CNTNAP5: variants seen among roughly 807,000 people sequenced by gnomAD.
CNTNAP5 encodes contactin associated protein family member 5.
CNTNAP5 carries 72 observed loss-of-function variants against 150.2 expected under a neutral mutation model. That is an observed-to-expected ratio of 0.48 (90% CI 0.40 to 0.58). The LOEUF (loss-of-function observed/expected upper bound fraction) is 0.58. Ranked by LOEUF, CNTNAP5 falls within the 20% of genes least tolerant of loss-of-function variation. The probability of loss-of-function intolerance (pLI) is 0.00; values close to 1 mark genes in which losing one functional copy is unlikely to be tolerated. For missense variants in CNTNAP5, 1,636 were observed against 1,626.2 expected, an observed-to-expected ratio of 1.01 and a Z score of -0.10; for synonymous variants, 672 against 619.8, an observed-to-expected ratio of 1.08 and a Z score of -1.25.
intron 3 of CNTNAP5, among the ~76,000 whole-genome samples, chr2:124,396,123 T>C (rs943407696): frequency 5.3e-5 from 8 of 152,220 alleles, no homozygotes; most frequent in Admixed American, 3.9e-4. Flanking sequence ...CAGGGCCAGC[T>C]TATAAGACCT....
At chr2:124,844,527 TG>T (rs1683007134) in intron 19 of CNTNAP5, among the ~76,000 whole-genome samples, 3 of 152,040 alleles carry the variant, frequency 2.0e-5, no homozygotes, top group Non-Finnish European at 4.4e-5. Flanking sequence ...ATTTTAGGAT[TG>T]TTTTTTATAA....
chr2:124,668,363 G>A (rs965947388), intron 13 of CNTNAP5, among the ~76,000 whole-genome samples: 1 of 152,204 alleles, frequency 6.6e-6, no homozygotes, highest in Admixed American at 6.5e-5. Flanking sequence ...GAAAGGTTTG[G>A]GACCAGCTGT....
At chr2:124,734,800 C>T (rs1172666715) in intron 13 of CNTNAP5, among the ~76,000 whole-genome samples, 1 of 152,094 alleles carries the variant, frequency 6.6e-6, no homozygotes, top group Non-Finnish European at 1.5e-5. Flanking sequence ...AACTAAGTAG[C>T]TCATTAGTGT....
intron 1 of CNTNAP5, among the ~76,000 whole-genome samples, chr2:124,199,309 C>T (rs945671187): frequency 1.3e-5 from 2 of 150,940 alleles, no homozygotes; most frequent in Non-Finnish European, 2.9e-5. Flanking sequence ...GGTATTGAGT[C>T]TTTCTAGGAA....
chr2:124,768,469 T>A (rs1006449207), intron 16 of CNTNAP5, among the ~76,000 whole-genome samples: 1 of 152,140 alleles, frequency 6.6e-6, no homozygotes, highest in African/African-American at 2.4e-5. Flanking sequence ...ATAGTACAAA[T>A]GAATACTACT....
At position 124,494,111 on chromosome 2, in the gene CNTNAP5, TG is replaced by T. The variant is rs917974814; in HGVS notation, c.1063-10174del. ...GTGTGTGTGTGCCTGTGTGTGTGGG[TG>T]GGGGGGTAGGGGAAATGATTCACAT... is the stretch of plus-strand genomic sequence containing the variant. On this transcript the variant is annotated intron_variant, in intron 7 of 23. Coordinates refer to ENST00000682447, the MANE Select transcript of CNTNAP5 (RefSeq NM_001367498.1). Among the ~76,000 whole-genome samples the T allele has an allele frequency of 5.5e-4, 22 of 40,244 alleles. No individual in the cohort carries two copies. The South Asian group carries it at 6.4e-3, about 12-fold the overall frequency. The allele number at this position is 40,244 out of a possible 152,430, so 26.4% of individuals were successfully genotyped here.
intron 1 of CNTNAP5, among the ~76,000 whole-genome samples, chr2:124,152,986 C>T (rs983953761): frequency 2.0e-5 from 3 of 152,140 alleles, no homozygotes; most frequent in Admixed American, 2.0e-4. Flanking sequence ...GCTAGACCAT[C>T]CCTAGGGTTA....
intron 1 of CNTNAP5, among the ~76,000 whole-genome samples, chr2:124,174,091 G>A (rs1291839404): frequency 1.4e-5 from 2 of 141,280 alleles, no homozygotes; most frequent in Admixed American, 1.5e-4. Context: ...TGAGCCCACT[G>A]TTGAGATTTA....
At position 124,704,895 on chromosome 2, in the gene CNTNAP5, C is replaced by G. The variant is rs1445548339; in HGVS notation, c.2078-42334C>G. Among the ~76,000 whole-genome samples, 3 of 152,066 alleles carry G rather than the reference C, an allele frequency of 2.0e-5. 1 individual carries two copies. The highest frequency in any genetic ancestry group is 4.4e-5 in the Non-Finnish European group (3 of 68,012). On this transcript the variant is annotated intron_variant, in intron 13 of 23. Transcript: ENST00000682447. ...CCTGTATTCAACTGCTTAGTTAATT[C>G]CCTTACCCCTTCAAGTTTGACTAAA...
chr2:124,804,617 C>G (rs1204352523), intron 19 of CNTNAP5, among the ~76,000 whole-genome samples: 4 of 152,136 alleles, frequency 2.6e-5, no homozygotes, highest in African/African-American at 9.7e-5. Context: ...CTCCTGCTCT[C>G]TCTTTGAATG....
At chr2:124,583,334 C>G (rs141204149) in intron 11 of CNTNAP5, among the ~76,000 whole-genome samples, 9 of 152,196 alleles carry the variant, frequency 5.9e-5, no homozygotes, top group African/African-American at 1.4e-4. Flanking sequence ...TGTACATAGC[C>G]GGGAACGATA....
At position 124,782,606 on chromosome 2, in the gene CNTNAP5, C is replaced by T. The variant is rs137901346; in HGVS notation, c.2753-7296C>T. On this transcript the variant is annotated intron_variant, in intron 17 of 23. Coordinates refer to ENST00000682447, the MANE Select transcript of CNTNAP5 (RefSeq NM_001367498.1). ...AGTTCAATTGCTCACATTTTTTTTT[C>T]ATCTGTAGTTTGTAAAATAATCACT... 2.4e-4 allele frequency among the ~76,000 whole-genome samples: 36 copies of T among 151,322 alleles called. 1 individual carries two copies. In the East Asian group the frequency reaches 6.6e-3, roughly 28 times the overall value.
At chr2:124,449,881 T>A (rs6541953) in intron 6 of CNTNAP5, among the ~76,000 whole-genome samples, 8,907 of 152,166 alleles carry the variant, frequency 0.059, 374 homozygotes, top group Non-Finnish European at 0.082. Flanking sequence ...CACCCCAAAG[T>A]CTGTGTGGAG....
At chr2:124,659,482 T>C (rs1399887909) in intron 13 of CNTNAP5, among the ~76,000 whole-genome samples, 1 of 152,252 alleles carries the variant, frequency 6.6e-6, no homozygotes, top group African/African-American at 2.4e-5. Context: ...CACTTATTTT[T>C]GGAGTAGCCA....
At chr2:124,450,470 AACTTTGCTGC>A (rs1355034511) in intron 6 of CNTNAP5, among the ~76,000 whole-genome samples, 8 of 150,916 alleles carry the variant, frequency 5.3e-5, no homozygotes, top group South Asian at 2.1e-4. Flanking sequence ...AACTAGCATG[AACTTTGCTGC>A]ACTAAGATGT....
chr2:124,280,523 TGTTC>T (rs1375806165), intron 3 of CNTNAP5, among the ~76,000 whole-genome samples: 1 of 152,108 alleles, frequency 6.6e-6, no homozygotes, highest in African/African-American at 2.4e-5. Context: ...GGCACAAGGC[TGTTC>T]GTTGTATAGA....
intron 13 of CNTNAP5, among the ~76,000 whole-genome samples, chr2:124,697,292 G>T (rs145874646): frequency 1.3e-5 from 2 of 152,166 alleles, no homozygotes; most frequent in African/African-American, 4.8e-5. Context: ...GATTACCTTA[G>T]TTCCTACCCA....
intron 3 of CNTNAP5, among the ~76,000 whole-genome samples, chr2:124,243,842 T>G (rs1481520829): frequency 6.6e-6 from 1 of 152,194 alleles, no homozygotes; most frequent in Non-Finnish European, 1.5e-5. Context: ...AATTGTATTT[T>G]GGGGACTATT....
chr2:124,758,528 G>A (rs1259190155), intron 14 of CNTNAP5, among the ~76,000 whole-genome samples: 6 of 152,084 alleles, frequency 3.9e-5, no homozygotes, highest in Middle Eastern at 3.4e-3. Context: ...ATTAGGGGCC[G>A]ACATGTTCCA....
Sources: allele counts gnomAD v4.1 joint callset (sites outside exome capture counted in the v4.1 genomes callset), GRCh38; gene constraint gnomAD v4.1.1; transcripts MANE v1.5; gene names NCBI Gene and HGNC (gene_info 2026-07-23, HGNC 2026-07-21).